Variants in RBM10 observed in about 807,000 individuals in gnomAD.
RBM10 encodes the protein RNA binding motif protein 10.
A neutral mutation model predicts 84.9 loss-of-function variants in RBM10; 1 was observed. That is an observed-to-expected ratio of 0.01 (90% CI 0.00 to 0.06). The LOEUF is 0.06. Ranked by LOEUF, RBM10 falls within the 10% of genes least tolerant of loss-of-function variation. The pLI, the probability that RBM10 is intolerant of heterozygous loss-of-function variation, is 1.00. For synonymous variants in RBM10, 326 were observed against 344.5 expected (o/e 0.95, Z 0.60); for missense variants, 438 against 839.0 (o/e 0.52, Z 5.90).
rs781952776 is a variant in RBM10 at position 47,179,342 on chromosome X, G to C, written c.748G>C (p.Gly250Arg). The C allele has an allele frequency of 2.5e-6, 3 of 1,199,715 alleles. No individual in the cohort carries two copies. Among genetic ancestry groups the C allele is most frequent in the Non-Finnish European group, 3.4e-6 (3 of 890,738 alleles). The change falls in exon 9 of 24, where the codon GGC becomes CGC. Residue 250 changes from glycine (G) to arginine (R), a missense_variant. Coordinates refer to ENST00000377604, the MANE Select transcript of RBM10 (RefSeq NM_005676.5). ...AGAGGCAGAGCAGAAGCTGCCCCTC[G>C]GCACGAGGCTGGATCAGCAGACACT... ...KSEAEQKLPLGTRLDQQTLPL... is the reference protein window; with the variant it reads ...KSEAEQKLPLRTRLDQQTLPL...
At chrX:47,173,889 A>ATCTCTCTCTCTCTCTCTC (rs537480494) in intron 5 of RBM10, among the ~76,000 whole-genome samples, 5 of 38,596 alleles carry the variant, frequency 1.3e-4, no homozygotes, top group Admixed American at 3.6e-4. Context: ...CCACACCTCC[A>ATCTCTCTCTCTCTCTCTC]TCTCTCTCTC....
At chrX:47,153,810 G>A (rs1326578070) in intron 2 of RBM10, among the ~76,000 whole-genome samples, 2 of 111,575 alleles carry the variant, frequency 1.8e-5, no homozygotes, top group Non-Finnish European at 3.8e-5. Flanking sequence ...TCTGGAGGCT[G>A]GGCGCAGTGG....
intron 2 of RBM10, 65 bp from the exon 3 acceptor site, chrX:47,169,250 G>A: frequency 9.3e-7 from 1 of 1,077,478 alleles, no homozygotes; most frequent in African/African-American, 1.8e-5. Context: ...CACATCACCT[G>A]GGCCTCTTGC....
In RBM10 at chrX:47,185,581, C is replaced by T. The variant is rs1935845098; in HGVS notation, c.2306C>T (p.Pro769Leu). The change falls in exon 20 of 24, where the codon CCC becomes CTC. Residue 769 changes from proline (P) to leucine (L), a missense_variant. Pro to Leu is a moderately conservative substitution (Grantham distance 98). Around this residue, in one of 8 missense-constraint regions of RBM10, gnomAD observed 92 missense variants for 199.9 expected, o/e 0.46. Transcript: ENST00000377604. ...LACLLCRRQF[P>L]SKEALIRHQQ... ...TGTCTGCTCTGCCGACGCCAGTTCCCCAGCAAAGAGGCGCTCATCCGGCAC... is the reference window on the plus strand; with the variant it reads ...TGTCTGCTCTGCCGACGCCAGTTCCTCAGCAAAGAGGCGCTCATCCGGCAC... The T allele has an allele frequency of 8.3e-7, 1 of 1,204,306 alleles. No homozygotes were observed. Among genetic ancestry groups the T allele is most frequent in the Non-Finnish European group, 1.1e-6 (1 of 891,636 alleles).
intron 2 of RBM10, among the ~76,000 whole-genome samples, chrX:47,158,723 G>A (rs1447740083): frequency 8.9e-6 from 1 of 111,777 alleles, no homozygotes; most frequent in Non-Finnish European, 1.9e-5. Context: ...TTTTACATGG[G>A]TAAATTGCGT....
rs782033302 is a variant in RBM10 at position 47,171,123 on chromosome X, C to T, written c.297C>T (p.Asp99=). 6 of 1,208,567 alleles carry T rather than the reference C, an allele frequency of 5.0e-6. No individual in the cohort carries two copies. The highest frequency in any genetic ancestry group is 2.2e-5 in the Admixed American group (1 of 45,737). ...CCGGCCCGCCAGGCTTCCCCCGAGACGGCGACTATCGGGACCAGGACTATC... is the reference window on the plus strand; with the variant it reads ...CCGGCCCGCCAGGCTTCCCCCGAGATGGCGACTATCGGGACCAGGACTATC... ...SPTGPPGFPR[D]GDYRDQDYRT... The change falls in exon 4 of 24, where the codon GAC becomes GAT. Residue 99 remains aspartate, a synonymous_variant. Transcript: ENST00000377604.
chrX:47,172,833 C>T (rs890596810), intron 4 of RBM10, among the ~76,000 whole-genome samples: 6 of 112,558 alleles, frequency 5.3e-5, no homozygotes, highest in Non-Finnish European at 1.1e-4. Flanking sequence ...GTGGCTGGCT[C>T]ACTTGCTCTC....
chrX:47,149,332 GT>G (rs1457738315), intron 2 of RBM10, among the ~76,000 whole-genome samples: 2 of 106,181 alleles, frequency 1.9e-5, no homozygotes, highest in African/African-American at 6.9e-5. Flanking sequence ...CAACAGTGCT[GT>G]TTTTTTTTGT....
At chrX:47,180,171 C>G (rs1444590850) in intron 10 of RBM10, 41 bp from the exon 11 acceptor site, 2 of 1,174,584 alleles carry the variant, frequency 1.7e-6, no homozygotes, top group East Asian at 3.0e-5. Flanking sequence ...GGGGCCTCCC[C>G]GGGCCTGACC....
At chrX:47,157,733 C>A in intron 2 of RBM10, 1 of 505,664 alleles carries the variant, frequency 2.0e-6, no homozygotes, top group Admixed American at 2.7e-5. Context: ...TGATGACGTC[C>A]AGGGGTCCCT....
chrX:47,184,050 C>T (rs1280169699), intron 17 of RBM10, among the ~76,000 whole-genome samples: 2 of 111,789 alleles, frequency 1.8e-5, no homozygotes, highest in Admixed American at 9.5e-5. Context: ...AAAAAGCAGC[C>T]GCGATCTCTT....
intron 2 of RBM10, among the ~76,000 whole-genome samples, chrX:47,163,453 G>C (rs1556767438): frequency 8.9e-6 from 1 of 112,133 alleles, no homozygotes; most frequent in African/African-American, 3.2e-5. Context: ...AAAATAAGAA[G>C]TTTGACTTCA....
intron 2 of RBM10, among the ~76,000 whole-genome samples, chrX:47,166,828 T>A (rs782572873): frequency 9.5e-6 from 1 of 105,544 alleles, no homozygotes; most frequent in South Asian, 4.4e-4. Context: ...CAAGCTGGAG[T>A]GCAGTGGTGC....
chrX:47,158,512 G>A (rs1267387292), intron 2 of RBM10, among the ~76,000 whole-genome samples: 3 of 112,023 alleles, frequency 2.7e-5, no homozygotes, highest in African/African-American at 9.7e-5. Context: ...AGCAATTCTC[G>A]TGCCTCAGCC....
rs1556782783 is a variant in RBM10, at chrX:47,186,483, C to T, written c.2677C>T (p.Arg893Trp). The T allele has an allele frequency of 2.5e-6, 3 of 1,207,388 alleles. No homozygotes were observed. The highest frequency in any genetic ancestry group is 1.8e-5 in the South Asian group (1 of 56,094). The change falls in exon 24 of 24, where the codon CGG becomes TGG. Residue 893 changes from arginine (R) to tryptophan (W), a missense_variant. Arg to Trp is a moderately radical substitution (Grantham distance 101). Coordinates refer to ENST00000377604, the MANE Select transcript of RBM10 (RefSeq NM_005676.5). ...TGCCTCCCTCACACAGGCCCAAACA[C>T]GGGTGCGGGGCTCCGGCCTGGGTGC... ...GIVTPIEAQT[R>W]VRGSGLGARG...
At chrX:47,164,521 CAAA>C (rs201448853) in intron 2 of RBM10, among the ~76,000 whole-genome samples, 3 of 69,292 alleles carry the variant, frequency 4.3e-5, no homozygotes, top group Admixed American at 3.4e-4. Flanking sequence ...TACTCCATCT[CAAA>C]AAAAAAAAAA....
At chrX:47,163,378 A>G (rs189471069) in intron 2 of RBM10, among the ~76,000 whole-genome samples, 11 of 112,680 alleles carry the variant, frequency 9.8e-5, no homozygotes, top group Non-Finnish European at 2.1e-4. Flanking sequence ...TGTTAATATT[A>G]GGGGAAGCTG....
At chrX:47,156,420 T>C (rs1225286377) in intron 2 of RBM10, among the ~76,000 whole-genome samples, 2 of 111,396 alleles carry the variant, frequency 1.8e-5, no homozygotes, top group Admixed American at 9.6e-5. Context: ...GCAGGAATCA[T>C]GTGGGATGGG....
chrX:47,147,632 C>T, intron 2 of RBM10, 134 bp downstream of exon 2: 1 of 842,849 alleles, frequency 1.2e-6, no homozygotes, highest in Non-Finnish European at 1.7e-6. Flanking sequence ...TTTCAGCAGA[C>T]AGGTGTTTGG....
Sources: allele counts gnomAD v4.1 joint callset (sites outside exome capture counted in the v4.1 genomes callset), GRCh38; gene constraint gnomAD v4.1.1; regional missense constraint gnomAD v4.1.1; transcripts MANE v1.5; gene names NCBI Gene and HGNC (gene_info 2026-07-23, HGNC 2026-07-21).